PLPBP: variants seen among roughly 807,000 people sequenced by gnomAD.
PLPBP encodes pyridoxal phosphate homeostasis protein.
Under a neutral mutation model 31.2 loss-of-function variants are expected in PLPBP, and 21 were observed. The ratio of observed to expected loss-of-function variants is 0.67; its 90% CI spans 0.48 to 0.97. The LOEUF is 0.97. Among genes scored for constraint, PLPBP ranks in the 50% least tolerant of loss-of-function variants. PLPBP has a pLI of 0.00. For synonymous variants in PLPBP, 124 were observed against 135.6 expected, an observed-to-expected ratio of 0.91 and a Z score of 0.59; for missense variants, 308 against 354.4, an observed-to-expected ratio of 0.87 and a Z score of 1.05.
intron 4 of PLPBP, among the ~76,000 whole-genome samples, chr8:37,769,649 A>G (rs1393981334): frequency 2.0e-5 from 3 of 152,204 alleles, no homozygotes; most frequent in East Asian, 3.9e-4. Context: ...TAAAAAATCA[A>G]AAAGACTGCT....
rs146983675 is a variant in PLPBP at position 37,770,530 on chromosome 8, G to T, written c.320-2225G>T. On this transcript the variant is annotated intron_variant, in intron 4 of 7. Transcript: ENST00000328195. Reference sequence around the variant, plus strand: ...AATCCAAGACCTGAAACTACTAAAAGAAAACATTGGGGAAACTCTCCAAGA... The same window carrying T: ...AATCCAAGACCTGAAACTACTAAAATAAAACATTGGGGAAACTCTCCAAGA... 3.9e-3 allele frequency among the ~76,000 whole-genome samples: 597 copies of T among 152,244 alleles called. 6 individuals are homozygous for T. Among genetic ancestry groups the T allele is most frequent in the African/African-American group, 0.014 (570 of 41,558 alleles).
intron 1 of PLPBP, 45 bp downstream of exon 1, chr8:37,762,803 A>T: frequency 1.3e-6 from 2 of 1,527,650 alleles, no homozygotes; most frequent in Non-Finnish European, 1.8e-6. Context: ...CCGCCTTGAG[A>T]AGAGGGACAC....
chr8:37,775,561 G>C lies in PLPBP; in HGVS notation c.597+80G>C, dbSNP rs1803880415. 1.9e-6 allele frequency: 3 copies of C among 1,575,598 alleles called. No individual in the cohort carries two copies. In the African/African-American group the frequency reaches 4.0e-5, roughly 21 times the overall value. ...GCTATTGCAGGGCTGGCTGCAGTGG[G>C]GATTGCAGAGTCATCCCAGACACTG... is the stretch of plus-strand genomic sequence containing the variant. On this transcript the variant is annotated intron_variant, in intron 6 of 7. Transcript: ENST00000328195.
chr8:37,773,032 G>T, intron 5 of PLPBP, 143 bp downstream of exon 5: 1 of 1,046,430 alleles, frequency 9.6e-7, no homozygotes, highest in Non-Finnish European at 1.4e-6. Flanking sequence ...GCTGTTTTAT[G>T]TGTGATCTAG....
intron 5 of PLPBP, 76 bp downstream of exon 5, chr8:37,772,965 A>G: frequency 2.6e-6 from 4 of 1,559,110 alleles, no homozygotes; most frequent in Non-Finnish European, 3.5e-6. Context: ...GGTGGGCCCA[A>G]GTGTCTGATG....
chr8:37,767,699 A>G (rs1585932324), intron 4 of PLPBP, among the ~76,000 whole-genome samples: 1 of 152,054 alleles, frequency 6.6e-6, no homozygotes, highest in African/African-American at 2.4e-5. Context: ...GAATAAATAT[A>G]TAGGAATAGA....
intron 1 of PLPBP, among the ~76,000 whole-genome samples, chr8:37,764,371 G>T (rs972563695): frequency 2.6e-5 from 4 of 152,022 alleles, no homozygotes; most frequent in Non-Finnish European, 5.9e-5. Context: ...ACCCAGGCTG[G>T]AGTGCAATGG....
intron 7 of PLPBP, among the ~76,000 whole-genome samples, chr8:37,776,644 T>C (rs1244687358): frequency 6.6e-6 from 1 of 152,058 alleles, no homozygotes; most frequent in African/African-American, 2.4e-5. Flanking sequence ...CATAATTCCA[T>C]AAGTGTAGTC....
chr8:37,764,325 T>C (rs1165524713), intron 1 of PLPBP, among the ~76,000 whole-genome samples: 1 of 151,456 alleles, frequency 6.6e-6, no homozygotes, highest in Admixed American at 6.6e-5. Context: ...AGACTGTTGT[T>C]TTTTGTTTTA....
chr8:37,764,071 CTTTTTTT>C (rs111913973), intron 1 of PLPBP, among the ~76,000 whole-genome samples: 6 of 126,918 alleles, frequency 4.7e-5, no homozygotes, highest in African/African-American at 8.6e-5. Context: ...TCTTTTCTTT[CTTTTTTT>C]TTTTTTTTTT....
Position 37,778,259 on chromosome 8 carries a change from A to G in PLPBP, c.*155A>G. ...ACCATCTGTGCTTAGTCTCTGACAT[A>G]GGAAGCTTGCTTCAGGCAATGGCTT... On this transcript the variant is annotated 3_prime_UTR_variant, in exon 8 of 8. Transcript: ENST00000328195. 2 of 926,982 alleles carry G rather than the reference A, an allele frequency of 2.2e-6. No individual in the cohort carries two copies. Among genetic ancestry groups the G allele is most frequent in the Non-Finnish European group, 3.0e-6 (2 of 657,924 alleles). The allele number at this position is 926,982 out of a possible 1,614,324, so 57.4% of individuals were successfully genotyped here.
In PLPBP at chr8:37,773,593, C is replaced by T. The variant is rs184490922; in HGVS notation, c.454+704C>T. On this transcript the variant is annotated intron_variant, in intron 5 of 7. Coordinates refer to ENST00000328195, the MANE Select transcript of PLPBP (RefSeq NM_007198.4). The stretch of plus-strand genomic sequence containing the variant: ...AAGCGATTCTCCTGCCTCAGCCTCC[C>T]GAGTAGCTGGGATTACAGGCACGCG... 1.7e-3 allele frequency among the ~76,000 whole-genome samples: 252 copies of T among 152,116 alleles called. 1 individual carries two copies. Among genetic ancestry groups the T allele is most frequent in the African/African-American group, 3.2e-3 (133 of 41,506 alleles).
chr8:37,764,546 C>T (rs1267708930), intron 1 of PLPBP, among the ~76,000 whole-genome samples: 2 of 152,162 alleles, frequency 1.3e-5, no homozygotes, highest in African/African-American at 4.8e-5. Context: ...GTCTCGAACT[C>T]GTAACTTCAG....
intron 4 of PLPBP, 129 bp downstream of exon 4, chr8:37,766,484 A>G: frequency 7.4e-7 from 1 of 1,348,766 alleles, no homozygotes; most frequent in Non-Finnish European, 9.6e-7. Context: ...TTCTTTAGGA[A>G]AGTCTGAGTT....
rs377626500 is a variant in PLPBP, at chr8:37,778,080, G to A, written c.804G>A (p.Pro268=). 84 of 1,613,320 alleles carry A rather than the reference G, an allele frequency of 5.2e-5. 1 individual carries two copies. In the South Asian group the frequency reaches 5.9e-4, roughly 11 times the overall value. ...AGTGCGCAGCAGACGTGAAGGCCCC[G>A]CTGGAGGTGGCACAGGAGCACTGAG... ...PDKCAADVKA[P]LEVAQEH is the part of the protein sequence containing the mutation. The change falls in exon 8 of 8, where the codon CCG becomes CCA. Residue 268 remains proline (P), a synonymous_variant. Transcript: ENST00000328195.
intron 4 of PLPBP, among the ~76,000 whole-genome samples, chr8:37,769,064 G>A (rs1305437220): frequency 6.6e-6 from 1 of 152,150 alleles, no homozygotes; most frequent in African/African-American, 2.4e-5. Context: ...GCCAGGCACA[G>A]TGGCTCACAC....
Position 37,775,170 on chromosome 8 carries a change from G to A in PLPBP, c.455-169G>A, listed in dbSNP as rs189807562. On this transcript the variant is annotated intron_variant, in intron 5 of 7. Coordinates refer to ENST00000328195, the MANE Select transcript of PLPBP (RefSeq NM_007198.4). ...AATTTAGAACCTGACCAGAAGCAGA[G>A]CAACATAGAAAACCCCAAGTATAAA... 1,123 of 644,806 alleles carry A rather than the reference G, an allele frequency of 1.7e-3. 3 individuals are homozygous for A. The highest frequency in any genetic ancestry group is 1.7e-3 in the Non-Finnish European group (659 of 390,108). 39.9% of individuals were successfully genotyped at this position (644,806 alleles called of 1,614,324 possible). A position where few individuals can be genotyped will look rare whatever the true frequency, so the allele number is the denominator to read the frequency against.
intron 1 of PLPBP, among the ~76,000 whole-genome samples, chr8:37,764,403 C>A (rs1174880563): frequency 6.6e-6 from 1 of 152,196 alleles, no homozygotes; most frequent in Non-Finnish European, 1.5e-5. Context: ...CTCACTGCAA[C>A]CTCCACCTCC....
At chr8:37,765,442 T>G in intron 1 of PLPBP, 84 bp from the exon 2 acceptor site, 1 of 1,298,972 alleles carries the variant, frequency 7.7e-7, no homozygotes, top group Non-Finnish European at 1.1e-6. Context: ...TCAATGCCTG[T>G]CTATCCTACA....
Sources: gnomAD v4.1 joint callset for allele counts (sites outside exome capture counted in the v4.1 genomes callset) on GRCh38, gnomAD v4.1.1 for gene constraint, MANE v1.5 for transcripts, NCBI Gene and HGNC (gene_info 2026-07-23, HGNC 2026-07-21) for gene names.